Variants in KRCC1 observed in about 807,000 individuals in gnomAD.
The protein encoded by KRCC1 is lysine rich coiled-coil 1, also known as lysine-rich coiled-coil protein 1.
Under a neutral mutation model 7.4 loss-of-function variants are expected in KRCC1, and 3 were observed. That is an observed-to-expected ratio of 0.40 (90% CI 0.18 to 1.04). The LOEUF (loss-of-function observed/expected upper bound fraction) is 1.04. Among genes scored for constraint, KRCC1 ranks in the 50% least tolerant of loss-of-function variants. The pLI, the probability that KRCC1 is intolerant of heterozygous loss-of-function variation, is 0.33. For missense variants in KRCC1, 277 were observed against 300.9 expected, an observed-to-expected ratio of 0.92 and a Z score of 0.59; for synonymous variants, 102 against 101.6, an observed-to-expected ratio of 1.00 and a Z score of -0.02.
intron 1 of KRCC1, among the ~76,000 whole-genome samples, chr2:88,043,608 C>T (rs910356611): frequency 6.6e-6 from 1 of 152,194 alleles, no homozygotes; most frequent in African/African-American, 2.4e-5. Flanking sequence ...AATAACCTGT[C>T]CTGTAACACT....
At chr2:88,052,391 T>C (rs946875329) in intron 1 of KRCC1, among the ~76,000 whole-genome samples, 7 of 152,264 alleles carry the variant, frequency 4.6e-5, no homozygotes, top group African/African-American at 1.7e-4. Flanking sequence ...GTGTAAGCAC[T>C]GTGCATGTAC....
rs140286444 is a variant in KRCC1, at chr2:88,044,648, G to GT, written c.-290-7598dup. Among the ~76,000 whole-genome samples the GT allele has an allele frequency of 7.7e-3, 1,177 of 152,052 alleles. 16 individuals are homozygous for GT. The highest frequency in any genetic ancestry group is 0.028 in the African/African-American group (1,146 of 41,470). On this transcript the variant is annotated intron_variant, in intron 1 of 3. Transcript: ENST00000347055. ...GGGTCTGCTTTTAACTTGGACTAAC[G>GT]TAACTTCTTCATGCAATAAACTGAA...
At chr2:88,047,956 A>C (rs534367614) in intron 1 of KRCC1, among the ~76,000 whole-genome samples, 6 of 152,280 alleles carry the variant, frequency 3.9e-5, no homozygotes, top group African/African-American at 1.2e-4. Context: ...CTCTCTAATA[A>C]ATACACCAAA....
chr2:88,036,793 T>G (rs549828776), intron 2 of KRCC1, 150 bp downstream of exon 2: 1 of 152,176 alleles, frequency 6.6e-6, no homozygotes, highest in Non-Finnish European at 1.5e-5. Context: ...CTTCCCCAAA[T>G]GTAAGTCAGG....
rs1451905914 is a variant in KRCC1, at chr2:88,027,628, T to C, written c.*156A>G. The C allele has an allele frequency of 5.5e-6, 3 of 547,662 alleles. No homozygotes were observed. The highest frequency in any genetic ancestry group is 9.3e-6 in the Non-Finnish European group (3 of 323,634). The allele number at this position is 547,662 out of a possible 1,614,324, so 33.9% of individuals were successfully genotyped here. ...AAATGAGGAAAAGCAATTTCTGTGT[T>C]GGAGAGCAAGCATGCTAAACACTTT... On this transcript the variant is annotated 3_prime_UTR_variant, in exon 4 of 4. Coordinates refer to ENST00000347055, the MANE Select transcript of KRCC1 (RefSeq NM_016618.3).
intron 1 of KRCC1, among the ~76,000 whole-genome samples, chr2:88,047,836 T>C (rs924977566): frequency 2.0e-5 from 3 of 152,116 alleles, no homozygotes; most frequent in East Asian, 3.9e-4. Flanking sequence ...GCCAGCATAA[T>C]AGGTTTTTAA....
intron 3 of KRCC1, among the ~76,000 whole-genome samples, chr2:88,033,846 G>A (rs1211306483): frequency 6.6e-6 from 1 of 152,164 alleles, no homozygotes. Flanking sequence ...ATAGCCAAAA[G>A]AATGAAAACC....
intron 1 of KRCC1, among the ~76,000 whole-genome samples, 196 bp downstream of exon 1, chr2:88,055,430 T>C (rs1673598579): frequency 6.6e-6 from 1 of 151,544 alleles, no homozygotes; most frequent in Non-Finnish European, 1.5e-5. Context: ...CCCTCCGCAC[T>C]CCACTCGGAA....
chr2:88,050,965 C>T (rs1450419399), intron 1 of KRCC1, among the ~76,000 whole-genome samples: 2 of 150,068 alleles, frequency 1.3e-5, no homozygotes, highest in Non-Finnish European at 3.0e-5. Context: ...GCTCTGTCAC[C>T]CAGGCTGAAG....
intron 1 of KRCC1, among the ~76,000 whole-genome samples, chr2:88,054,265 CCAGCCCTCTTTTGAGCT>C (rs969911121): frequency 2.0e-5 from 3 of 152,188 alleles, no homozygotes; most frequent in Non-Finnish European, 4.4e-5. Flanking sequence ...TGAGGGCAAT[CCAGCCCTCTTTTGAGCT>C]CCTGTTGGAA....
rs1419047999 is a variant in KRCC1 at position 88,028,642 on chromosome 2, C to CTTTTT, written c.-22-58_-22-57insAAAAA. The CTTTTT allele has an allele frequency of 8.8e-6, 6 of 682,182 alleles. No individual in the cohort carries two copies. In the East Asian group the frequency reaches 1.1e-4, roughly 12 times the overall value. 42.3% of individuals were successfully genotyped at this position (682,182 alleles called of 1,614,324 possible). ...CATCTTGTCCTGAGCATTTCCTTTG[C>CTTTTT]TCTTTTTTTTTTTTTTTTTTTTCTT... is the stretch of plus-strand genomic sequence containing the variant. On this transcript the variant is annotated intron_variant, in intron 3 of 3. Transcript: ENST00000347055.
At chr2:88,030,653 A>C (rs1031145171) in intron 3 of KRCC1, among the ~76,000 whole-genome samples, 3 of 152,214 alleles carry the variant, frequency 2.0e-5, no homozygotes, top group East Asian at 3.9e-4. Context: ...TGACAATACC[A>C]GTGCTGATAA....
At chr2:88,054,249 C>G (rs1011201743) in intron 1 of KRCC1, among the ~76,000 whole-genome samples, 1 of 152,210 alleles carries the variant, frequency 6.6e-6, no homozygotes, top group African/African-American at 2.4e-5. Context: ...CCTAAGCCCA[C>G]GTCCATGAGG....
chr2:88,034,043 T>C (rs1208333444), intron 3 of KRCC1, 91 bp downstream of exon 3: 2 of 152,632 alleles, frequency 1.3e-5, no homozygotes, highest in African/African-American at 2.4e-5. Context: ...CAAATGAAGC[T>C]TGAAGACATT....
chr2:88,030,318 T>C (rs993160603), intron 3 of KRCC1, among the ~76,000 whole-genome samples: 3 of 150,764 alleles, frequency 2.0e-5, no homozygotes, highest in Non-Finnish European at 4.4e-5. Context: ...TTGAGACTAA[T>C]GATCAGCCAG....
intron 1 of KRCC1, among the ~76,000 whole-genome samples, chr2:88,043,438 C>T (rs1320393825): frequency 2.0e-5 from 3 of 152,164 alleles, no homozygotes; most frequent in East Asian, 1.9e-4. Flanking sequence ...CTCAGGGAAT[C>T]TCATTATGCT....
chr2:88,048,522 T>C (rs1673396484), intron 1 of KRCC1, among the ~76,000 whole-genome samples: 1 of 152,264 alleles, frequency 6.6e-6, no homozygotes, highest in Non-Finnish European at 1.5e-5. Flanking sequence ...AGAAATACTA[T>C]TGATTACATA....
chr2:88,032,318 A>AT (rs935072716), intron 3 of KRCC1, among the ~76,000 whole-genome samples: 23 of 151,932 alleles, frequency 1.5e-4, no homozygotes, highest in African/African-American at 4.6e-4. Flanking sequence ...CAAGTGTACT[A>AT]TTTTTTTATC....
At chr2:88,046,622 T>C (rs912362998) in intron 1 of KRCC1, among the ~76,000 whole-genome samples, 8 of 152,246 alleles carry the variant, frequency 5.3e-5, no homozygotes, top group Non-Finnish European at 8.8e-5. Flanking sequence ...AGTTGAAGGA[T>C]GGACCTGATC....
Sources: gnomAD v4.1 joint callset for allele counts (sites outside exome capture counted in the v4.1 genomes callset) on GRCh38, gnomAD v4.1.1 for gene constraint, MANE v1.5 for transcripts, NCBI Gene and HGNC (gene_info 2026-07-23, HGNC 2026-07-21) for gene names.